The following GRM1 variants were observed in gnomAD, a reference collection of about 807,000 sequenced individuals.
GRM1 encodes the protein glutamate metabotropic receptor 1.
A neutral mutation model predicts 90.9 loss-of-function variants in GRM1; 33 were observed. That is an observed-to-expected ratio of 0.36 (90% confidence interval 0.28 to 0.49). The LOEUF (loss-of-function observed/expected upper bound fraction) is 0.49. Ranked by LOEUF, GRM1 falls within the 20% of genes least tolerant of loss-of-function variation. The probability of loss-of-function intolerance (pLI) is 0.99; values close to 1 mark genes in which losing one functional copy is unlikely to be tolerated. For missense variants in GRM1, 1,190 were observed against 1,534.3 expected (o/e 0.78, Z 3.75); for synonymous variants, 700 against 613.2 (o/e 1.14, Z -2.09).
At chr6:146,288,917 G>A (rs1272213536) in intron 2 of GRM1, among the ~76,000 whole-genome samples, 1 of 152,118 alleles carries the variant, frequency 6.6e-6, no homozygotes, top group East Asian at 1.9e-4. Flanking sequence ...TAATGTCTTA[G>A]TACAATGCAC....
chr6:146,425,186 A>G (rs1208583036), intron 7 of GRM1, among the ~76,000 whole-genome samples: 1 of 151,280 alleles, frequency 6.6e-6, no homozygotes, highest in Non-Finnish European at 1.5e-5. Flanking sequence ...ATATGGATTA[A>G]CTTTGTTTTT....
chr6:146,378,056 T>C (rs1776176925), intron 5 of GRM1, among the ~76,000 whole-genome samples: 1 of 152,202 alleles, frequency 6.6e-6, no homozygotes, highest in African/African-American at 2.4e-5. Context: ...GTATTGGGCT[T>C]GTGGGTGCAT....
chr6:146,094,495 C>T (rs1014611043), intron 1 of GRM1, among the ~76,000 whole-genome samples: 3 of 152,058 alleles, frequency 2.0e-5, no homozygotes, highest in Non-Finnish European at 2.9e-5. Flanking sequence ...TGCTATAGGG[C>T]GTATTACTCG....
intron 2 of GRM1, among the ~76,000 whole-genome samples, chr6:146,238,801 A>C (rs1303170475): frequency 6.6e-6 from 1 of 152,104 alleles, no homozygotes; most frequent in Non-Finnish European, 1.5e-5. Context: ...TATCTTAAGC[A>C]CAGGAAATAT....
At chr6:146,364,245 T>G (rs565633001) in intron 5 of GRM1, among the ~76,000 whole-genome samples, 8 of 152,230 alleles carry the variant, frequency 5.3e-5, no homozygotes, top group Non-Finnish European at 1.0e-4. Flanking sequence ...TAGAAATAGT[T>G]TCTTTCTCCT....
rs145938012 is a variant in GRM1 at position 146,301,057 on chromosome 6, T to A, written c.951-3554T>A. On this transcript the variant is annotated intron_variant, in intron 2 of 7. Transcript: ENST00000282753. The stretch of plus-strand genomic sequence containing the variant: ...TGCTTTAGAGATGTTTTCTAGTGAC[T>A]TTTTTTCATGATAGCATTCTCTAAC... 2.5e-3 allele frequency among the ~76,000 whole-genome samples: 377 copies of A among 152,280 alleles called. 5 individuals carry two copies. Among genetic ancestry groups the A allele is most frequent in the Non-Finnish European group, 3.8e-3 (256 of 68,018 alleles).
At chr6:146,192,951 T>C (rs1266243405) in intron 2 of GRM1, among the ~76,000 whole-genome samples, 1 of 152,010 alleles carries the variant, frequency 6.6e-6, no homozygotes, top group Non-Finnish European at 1.5e-5. Flanking sequence ...AAGAAATAGT[T>C]GTGGGTGAAA....
intron 7 of GRM1, among the ~76,000 whole-genome samples, chr6:146,417,421 A>G (rs1777828783): frequency 1.3e-5 from 2 of 152,316 alleles, no homozygotes; most frequent in South Asian, 2.1e-4. Context: ...ACTTAACACT[A>G]TTGGAGGATG....
At chr6:146,243,542 G>A (rs1780941463) in intron 2 of GRM1, among the ~76,000 whole-genome samples, 1 of 152,038 alleles carries the variant, frequency 6.6e-6, no homozygotes, top group African/African-American at 2.4e-5. Flanking sequence ...TCGTTATTGG[G>A]GGTGATTTTC....
Position 146,271,771 on chromosome 6 carries a change from T to C in GRM1, c.951-32840T>C, listed in dbSNP as rs1034051892. Among the ~76,000 whole-genome samples, 6 of 152,226 alleles carry C rather than the reference T, an allele frequency of 3.9e-5. 1 individual carries two copies. Among genetic ancestry groups the C allele is most frequent in the Admixed American group, 1.3e-4 (2 of 15,278 alleles). On this transcript the variant is annotated intron_variant, in intron 2 of 7. Transcript: ENST00000282753. ...GAGGACAGTCCACTAAATGGCCATG[T>C]TCAAAGGAATCTCACAATTCACAGC...
chr6:146,292,497 G>C (rs902499306), intron 2 of GRM1, among the ~76,000 whole-genome samples: 3 of 151,836 alleles, frequency 2.0e-5, no homozygotes, highest in Non-Finnish European at 2.9e-5. Context: ...AAACATACAA[G>C]TGACCAACAA....
chr6:146,396,964 C>T (rs1776961723), intron 6 of GRM1, among the ~76,000 whole-genome samples: 1 of 152,126 alleles, frequency 6.6e-6, no homozygotes, highest in Non-Finnish European at 1.5e-5. Flanking sequence ...AATTCAGCAA[C>T]AAGAGCTCAG....
chr6:146,419,530 T>C lies in GRM1; in HGVS notation c.2661-14342T>C, dbSNP rs567559165. 2.6e-5 allele frequency among the ~76,000 whole-genome samples: 4 copies of C among 152,222 alleles called. No homozygotes were observed. The East Asian group carries it at 5.8e-4, about 22-fold the overall frequency. ...TTCAGGGCACTATATGGAGGCTGAG[T>C]GTATTTGTTCATTCTCACACTGCTA... On this transcript the variant is annotated intron_variant, in intron 7 of 7. Transcript: ENST00000282753.
chr6:146,233,796 A>G (rs914493078), intron 2 of GRM1, among the ~76,000 whole-genome samples: 2 of 152,128 alleles, frequency 1.3e-5, no homozygotes, highest in African/African-American at 2.4e-5. Context: ...GACGGAATAA[A>G]AATATCTGTT....
chr6:146,398,350 A>G (rs541959114), intron 6 of GRM1, among the ~76,000 whole-genome samples: 1 of 152,366 alleles, frequency 6.6e-6, no homozygotes, highest in East Asian at 1.9e-4. Flanking sequence ...CAATGGCTGC[A>G]TCAAAAGAAA....
intron 2 of GRM1, chr6:146,159,816 C>T: frequency 1.9e-6 from 1 of 519,570 alleles, no homozygotes; most frequent in East Asian, 3.5e-5. Context: ...GAACAAGGCT[C>T]AGGAGGGAGG....
intron 2 of GRM1, among the ~76,000 whole-genome samples, chr6:146,296,945 G>C (rs369595141): frequency 6.6e-6 from 1 of 152,198 alleles, no homozygotes; most frequent in African/African-American, 2.4e-5. Flanking sequence ...CACATCACCA[G>C]ATGGGTGTTA....
At chr6:146,042,000 A>G (rs1416456701) in intron 1 of GRM1, among the ~76,000 whole-genome samples, 2 of 151,978 alleles carry the variant, frequency 1.3e-5, no homozygotes, top group Non-Finnish European at 1.5e-5. Flanking sequence ...CTCCAGAGAA[A>G]TGAACTCTGT....
At chr6:146,326,594 T>TA (rs879608193) in intron 3 of GRM1, among the ~76,000 whole-genome samples, 19 of 150,398 alleles carry the variant, frequency 1.3e-4, no homozygotes, top group Middle Eastern at 3.4e-3. Flanking sequence ...ACTTAAAAGT[T>TA]AAAAAAAAAT....
Sources: allele counts gnomAD v4.1 joint callset (sites outside exome capture counted in the v4.1 genomes callset), GRCh38; gene constraint gnomAD v4.1.1; transcripts MANE v1.5; gene names NCBI Gene and HGNC (gene_info 2026-07-23, HGNC 2026-07-21).